The following CNTN5 variants were observed in gnomAD, a reference collection of about 807,000 sequenced individuals.
CNTN5 encodes contactin 5, also known as contactin-5.
Under a neutral mutation model 129.1 loss-of-function variants are expected in CNTN5, and 77 were observed. That is an observed-to-expected ratio of 0.60 (90% confidence interval 0.50 to 0.72). The LOEUF is 0.72. CNTN5 is among the 30% of genes least tolerant of loss of function. The pLI, the probability that CNTN5 is intolerant of heterozygous loss-of-function variation, is 0.00. For synonymous variants in CNTN5, 509 were observed against 465.6 expected (o/e 1.09, Z -1.20); for missense variants, 1,478 against 1,328.8 (o/e 1.11, Z -1.75).
intron 18 of CNTN5, among the ~76,000 whole-genome samples, chr11:100,293,583 G>GGGTA (rs1265417025): frequency 6.6e-6 from 1 of 151,344 alleles, no homozygotes; most frequent in Non-Finnish European, 1.5e-5. Flanking sequence ...TTATAATTCC[G>GGGTA]GGTACTGTGA....
intron 2 of CNTN5, among the ~76,000 whole-genome samples, chr11:99,516,710 C>T (rs182838005): frequency 2.0e-4 from 31 of 152,198 alleles, no homozygotes; most frequent in Middle Eastern, 6.8e-3. Flanking sequence ...GAAAACATTG[C>T]AGTTTTACCT....
intron 13 of CNTN5, among the ~76,000 whole-genome samples, chr11:100,108,500 TAATA>T (rs1382788078): frequency 2.0e-5 from 3 of 152,226 alleles, no homozygotes; most frequent in Non-Finnish European, 4.4e-5. Flanking sequence ...CTAAACGAAC[TAATA>T]AATCTATATA....
chr11:99,071,668 T>G (rs1360408411), intron 1 of CNTN5, among the ~76,000 whole-genome samples: 1 of 152,160 alleles, frequency 6.6e-6, no homozygotes, highest in Non-Finnish European at 1.5e-5. Context: ...ATTATATTTT[T>G]ATTTTTACTT....
intron 6 of CNTN5, among the ~76,000 whole-genome samples, chr11:99,895,804 C>T (rs1949190120): frequency 6.6e-6 from 1 of 152,158 alleles, no homozygotes; most frequent in Admixed American, 6.5e-5. Flanking sequence ...GAACCAACCC[C>T]ACAAGCTTTT....
chr11:99,584,877 G>T (rs1261802516), intron 3 of CNTN5, among the ~76,000 whole-genome samples: 1 of 152,216 alleles, frequency 6.6e-6, no homozygotes, highest in Admixed American at 6.5e-5. Flanking sequence ...ATACTTGGTG[G>T]ATATTTTCTT....
intron 13 of CNTN5, among the ~76,000 whole-genome samples, chr11:100,107,910 A>C (rs879810890): frequency 6.6e-6 from 1 of 152,044 alleles, no homozygotes; most frequent in Non-Finnish European, 1.5e-5. Flanking sequence ...AATATAGTTT[A>C]TAGAAAGCAA....
At chr11:99,156,970 G>A (rs549894694) in intron 1 of CNTN5, among the ~76,000 whole-genome samples, 106 of 151,956 alleles carry the variant, frequency 7.0e-4, no homozygotes, top group African/African-American at 2.5e-3. Context: ...AATTAACAAC[G>A]GTAATGGTGA....
intron 9 of CNTN5, among the ~76,000 whole-genome samples, chr11:100,033,246 G>C (rs559073282): frequency 6.6e-5 from 10 of 152,102 alleles, no homozygotes; most frequent in Non-Finnish European, 1.3e-4. Context: ...CAGCTTTTCT[G>C]GCAGAACCTG....
chr11:99,644,536 T>C (rs1951880694), intron 3 of CNTN5, among the ~76,000 whole-genome samples: 1 of 152,180 alleles, frequency 6.6e-6, no homozygotes, highest in South Asian at 2.1e-4. Context: ...AATTCTGACG[T>C]TTAAAATTTT....
intron 17 of CNTN5, among the ~76,000 whole-genome samples, chr11:100,257,937 G>T (rs534691547): frequency 6.6e-6 from 1 of 152,264 alleles, no homozygotes; most frequent in East Asian, 1.9e-4. Flanking sequence ...GACGGAGAAT[G>T]AATATGATGA....
chr11:99,317,149 A>G (rs1206213053), intron 1 of CNTN5, among the ~76,000 whole-genome samples: 3 of 152,094 alleles, frequency 2.0e-5, no homozygotes, highest in African/African-American at 7.2e-5. Context: ...CTTAGGGGAG[A>G]TTATTTTTTC....
intron 2 of CNTN5, among the ~76,000 whole-genome samples, chr11:99,354,167 A>AT (rs1199699758): frequency 6.6e-6 from 1 of 152,188 alleles, no homozygotes; most frequent in African/African-American, 2.4e-5. Flanking sequence ...ACAATTATGT[A>AT]TTTTCAATAT....
At chr11:99,345,630 G>A (rs1937795484) in intron 2 of CNTN5, among the ~76,000 whole-genome samples, 1 of 152,178 alleles carries the variant, frequency 6.6e-6, no homozygotes, top group African/African-American at 2.4e-5. Flanking sequence ...TTGATCCGAT[G>A]TCTAAAGAGC....
At chr11:99,113,065 T>G (rs545116807) in intron 1 of CNTN5, among the ~76,000 whole-genome samples, 2 of 152,178 alleles carry the variant, frequency 1.3e-5, no homozygotes, top group East Asian at 1.9e-4. Flanking sequence ...AGTTTCCCAT[T>G]CAGGCAAAAA....
intron 9 of CNTN5, among the ~76,000 whole-genome samples, chr11:100,020,764 T>C (rs1941099139): frequency 6.6e-6 from 1 of 152,096 alleles, no homozygotes; most frequent in African/African-American, 2.4e-5. Flanking sequence ...AAATGAATGG[T>C]GTTTCTGTAC....
At chr11:100,195,295 A>G (rs923903370) in intron 15 of CNTN5, among the ~76,000 whole-genome samples, 2 of 151,968 alleles carry the variant, frequency 1.3e-5, no homozygotes, top group African/African-American at 4.8e-5. Flanking sequence ...CTTATAAGTA[A>G]TCCCTCTCTT....
chr11:99,993,788 C>G (rs1160001710), intron 8 of CNTN5, among the ~76,000 whole-genome samples: 2 of 152,076 alleles, frequency 1.3e-5, no homozygotes, highest in Non-Finnish European at 2.9e-5. Flanking sequence ...ACAATAATCC[C>G]ATGAAATGTA....
chr11:99,471,722 G>T (rs534276118), intron 2 of CNTN5, among the ~76,000 whole-genome samples: 1 of 152,092 alleles, frequency 6.6e-6, no homozygotes, highest in South Asian at 2.1e-4. Flanking sequence ...CCCAAGATGG[G>T]CCATGCATTG....
chr11:99,349,665 G>A (rs1938154340), intron 2 of CNTN5, among the ~76,000 whole-genome samples: 1 of 152,158 alleles, frequency 6.6e-6, no homozygotes, highest in South Asian at 2.1e-4. Context: ...GAAGGGAGAA[G>A]TTTGCTTCCT....
Sources: gnomAD v4.1 joint callset for allele counts (sites outside exome capture counted in the v4.1 genomes callset) on GRCh38, gnomAD v4.1.1 for gene constraint, MANE v1.5 for transcripts, NCBI Gene and HGNC (gene_info 2026-07-23, HGNC 2026-07-21) for gene names.